The following PPP3CA variants were observed in gnomAD, a reference collection of about 807,000 sequenced individuals.
PPP3CA encodes protein phosphatase 3 catalytic subunit alpha.
In PPP3CA, 14 loss-of-function variants were observed where a neutral mutation model predicts 66.5. That is an observed-to-expected ratio of 0.21 (90% confidence interval 0.14 to 0.33). The LOEUF (loss-of-function observed/expected upper bound fraction) is 0.33, where lower values mean the gene tolerates loss of function less well. PPP3CA is among the 10% of genes least tolerant of loss of function. The pLI is 1.00. For missense variants in PPP3CA, 317 were observed against 639.5 expected (o/e 0.50, Z 5.44); for synonymous variants, 232 against 226.2 (o/e 1.03, Z -0.23).
chr4:101,320,920 G>T (rs1274634361), intron 1 of PPP3CA, among the ~76,000 whole-genome samples: 3 of 152,104 alleles, frequency 2.0e-5, no homozygotes, highest in Non-Finnish European at 4.4e-5. Flanking sequence ...TACAAGATGG[G>T]TATTGTTGCT....
At chr4:101,248,138 C>T (rs534513173) in intron 1 of PPP3CA, among the ~76,000 whole-genome samples, 1 of 152,214 alleles carries the variant, frequency 6.6e-6, no homozygotes, top group South Asian at 2.1e-4. Flanking sequence ...CTCTTTTGGC[C>T]CTTCCAAAAA....
chr4:101,237,321 G>A (rs1578581844), intron 1 of PPP3CA, among the ~76,000 whole-genome samples: 1 of 151,938 alleles, frequency 6.6e-6, no homozygotes, highest in South Asian at 2.1e-4. Flanking sequence ...CGTTGTGTCC[G>A]CTGAATCATC....
intron 3 of PPP3CA, among the ~76,000 whole-genome samples, chr4:101,108,403 T>C (rs1721512669): frequency 6.6e-6 from 1 of 152,234 alleles, no homozygotes; most frequent in Non-Finnish European, 1.5e-5. Context: ...TTTGAAAATT[T>C]GCAAATATAT....
chr4:101,263,842 AG>A (rs1284548229), intron 1 of PPP3CA, among the ~76,000 whole-genome samples: 1 of 152,186 alleles, frequency 6.6e-6, no homozygotes, highest in Non-Finnish European at 1.5e-5. Flanking sequence ...GTACCATTCA[AG>A]GGTTTTATAT....
chr4:101,252,995 A>G (rs1166517469), intron 1 of PPP3CA, among the ~76,000 whole-genome samples: 1 of 152,156 alleles, frequency 6.6e-6, no homozygotes, highest in African/African-American at 2.4e-5. Context: ...ACTCATTGAG[A>G]AGCCTAATAC....
chr4:101,048,001 G>A (rs1020414951), intron 10 of PPP3CA, among the ~76,000 whole-genome samples: 1 of 152,056 alleles, frequency 6.6e-6, no homozygotes, highest in African/African-American at 2.4e-5. Context: ...ATGATAAAGA[G>A]GGGAGGGAAA....
chr4:101,323,836 G>A (rs913584135), intron 1 of PPP3CA, among the ~76,000 whole-genome samples: 6 of 152,024 alleles, frequency 3.9e-5, no homozygotes, highest in African/African-American at 7.2e-5. Context: ...GCACAAGGCC[G>A]GGCATGGTGG....
intron 2 of PPP3CA, among the ~76,000 whole-genome samples, chr4:101,185,651 A>G (rs1324240947): frequency 6.6e-6 from 1 of 152,182 alleles, no homozygotes; most frequent in East Asian, 1.9e-4. Context: ...TCAATTAGAA[A>G]CCTGTTTCAA....
intron 1 of PPP3CA, among the ~76,000 whole-genome samples, chr4:101,320,698 AT>A (rs1355990508): frequency 1.3e-5 from 2 of 152,132 alleles, no homozygotes; most frequent in Admixed American, 6.5e-5. Flanking sequence ...TAAACAAGCA[AT>A]GTTTCAATGT....
chr4:101,112,283 A>G (rs914780292), intron 2 of PPP3CA, among the ~76,000 whole-genome samples: 1 of 152,180 alleles, frequency 6.6e-6, no homozygotes, highest in Non-Finnish European at 1.5e-5. Flanking sequence ...TTAGTTTTAC[A>G]AAAACAAAAT....
chr4:101,031,829 TCTC>T (rs893237735), intron 12 of PPP3CA, among the ~76,000 whole-genome samples: 13 of 152,226 alleles, frequency 8.5e-5, no homozygotes, highest in African/African-American at 3.1e-4. Flanking sequence ...AATGAAATCA[TCTC>T]CTGAAAATCT....
chr4:101,169,151 A>T (rs542864895), intron 2 of PPP3CA, among the ~76,000 whole-genome samples: 2 of 152,350 alleles, frequency 1.3e-5, no homozygotes, highest in South Asian at 4.1e-4. Context: ...TACAAAGGTC[A>T]ACAACCAGCC....
intron 1 of PPP3CA, among the ~76,000 whole-genome samples, chr4:101,291,955 C>G (rs1728041133): frequency 6.6e-6 from 1 of 152,056 alleles, no homozygotes; most frequent in Admixed American, 6.6e-5. Context: ...GTGACGAAAC[C>G]CTATCTTTAC....
intron 13 of PPP3CA, among the ~76,000 whole-genome samples, chr4:101,027,097 T>A (rs545527768): frequency 6.6e-6 from 1 of 152,174 alleles, no homozygotes; most frequent in African/African-American, 2.4e-5. Flanking sequence ...GAGCTGCAAA[T>A]AAAACACATA....
chr4:101,191,351 C>G (rs767735138), intron 2 of PPP3CA, among the ~76,000 whole-genome samples: 2 of 152,172 alleles, frequency 1.3e-5, no homozygotes, highest in African/African-American at 2.4e-5. Flanking sequence ...GTGAACAGAT[C>G]AAAGGACTTT....
At chr4:101,275,097 C>T (rs932325348) in intron 1 of PPP3CA, among the ~76,000 whole-genome samples, 10 of 152,128 alleles carry the variant, frequency 6.6e-5, no homozygotes, top group African/African-American at 2.2e-4. Context: ...CCTCATTAGC[C>T]TCATTATTTC....
intron 2 of PPP3CA, among the ~76,000 whole-genome samples, chr4:101,139,797 C>T (rs1226359111): frequency 6.9e-6 from 1 of 145,716 alleles, no homozygotes; most frequent in Non-Finnish European, 1.5e-5. Flanking sequence ...AGATAAAAGG[C>T]TTTGAGAACC....
At chr4:101,223,109 T>C (rs1309857419) in intron 1 of PPP3CA, among the ~76,000 whole-genome samples, 1 of 151,662 alleles carries the variant, frequency 6.6e-6, no homozygotes, top group Non-Finnish European at 1.5e-5. Context: ...CTCCTGCACT[T>C]CCCCCATGAA....
intron 6 of PPP3CA, among the ~76,000 whole-genome samples, chr4:101,086,219 A>G (rs1729667756): frequency 6.6e-6 from 1 of 152,200 alleles, no homozygotes; most frequent in Non-Finnish European, 1.5e-5. Context: ...TTTGAAAAAT[A>G]TCTATCTTTT....
Sources: gnomAD v4.1 joint callset for allele counts (sites outside exome capture counted in the v4.1 genomes callset) on GRCh38, gnomAD v4.1.1 for gene constraint, MANE v1.5 for transcripts, NCBI Gene and HGNC (gene_info 2026-07-23, HGNC 2026-07-21) for gene names.